The following AHCTF1 variants were observed in gnomAD, a reference collection of about 807,000 sequenced individuals.
AHCTF1 encodes AT-hook containing transcription factor 1, also known as protein ELYS.
In AHCTF1, 24 loss-of-function variants were observed where a neutral mutation model predicts 248.4. The ratio of observed to expected loss-of-function variants is 0.10; its 90% confidence interval spans 0.07 to 0.14. The LOEUF is 0.14. Among genes scored for constraint, AHCTF1 ranks in the 10% least tolerant of loss-of-function variants. The pLI is 1.00. For synonymous variants in AHCTF1, 786 were observed against 929.8 expected (o/e 0.85, Z 2.81); for missense variants, 2,206 against 2,636.2 (o/e 0.84, Z 3.57).
At chr1:246,878,778 G>A (rs1461465962) in intron 21 of AHCTF1, among the ~76,000 whole-genome samples, 1 of 152,148 alleles carries the variant, frequency 6.6e-6, no homozygotes, top group Non-Finnish European at 1.5e-5. Context: ...TACTTTTGTT[G>A]TTCTGGAACT....
At chr1:246,864,192 T>TA in intron 26 of AHCTF1, 76 bp from the exon 27 acceptor site, 1 of 1,381,058 alleles carries the variant, frequency 7.2e-7, no homozygotes, top group Non-Finnish European at 9.9e-7. Flanking sequence ...ATCAGACCTC[T>TA]ATATTCACTG....
chr1:246,898,471 G>T (rs1558259207), intron 11 of AHCTF1, 135 bp from the exon 12 acceptor site: 2 of 975,586 alleles, frequency 2.1e-6, no homozygotes, highest in African/African-American at 1.7e-5. Context: ...TATATTTCCT[G>T]CAAGAAACAG....
Position 246,862,042 on chromosome 1 carries a change from A to G in AHCTF1, c.3652T>C (p.Ser1218Pro). ...AGTCGTTGAGGAGACCTTCCAGGTG[A>G]TGGAGAGGGAGATGCTAAAGGTGTT... The part of the protein sequence containing the change: ...RSTPLASPSP[S>P]PGRSPQRLKE... Residue 1218 changes from serine to proline, a missense_variant, in exon 28 of 36, where the codon TCA becomes CCA. Transcript: ENST00000648844. 1.2e-6 allele frequency: 2 copies of G among 1,612,684 alleles called. No individual in the cohort carries two copies. The highest frequency in any genetic ancestry group is 1.7e-6 in the Non-Finnish European group (2 of 1,178,680).
chr1:246,839,204 T>A lies in AHCTF1; in HGVS notation c.*1602A>T, dbSNP rs1659663703. On this transcript the variant is annotated 3_prime_UTR_variant, in exon 36 of 36. Transcript: ENST00000648844. ...GTTCATTTAGAACAGGCAATTTGTT[T>A]GCTTATGATCTACATTCACGGAGGG... 6.6e-6 allele frequency: 1 copy of A among 152,210 alleles called. No individual in the cohort carries two copies. Among genetic ancestry groups the A allele is most frequent in the African/African-American group, 2.4e-5 (1 of 41,460 alleles). 9.4% of individuals were successfully genotyped at this position (152,210 alleles called of 1,614,324 possible).
In AHCTF1 at chr1:246,877,623, C is replaced by T. The variant is rs539584099; in HGVS notation, c.2661-321G>A. ...TGGTTGGTGTGGTGTGACAGAGGAA[C>T]ATCAGGTTTTTAAGAAGTGACACTC... On this transcript the variant is annotated intron_variant, in intron 21 of 35. Coordinates refer to ENST00000648844, the MANE Select transcript of AHCTF1 (RefSeq NM_001323342.2). Among the ~76,000 whole-genome samples, 9 of 152,204 alleles carry T rather than the reference C, an allele frequency of 5.9e-5. 1 individual carries two copies. In the South Asian group the frequency reaches 1.9e-3, roughly 32 times the overall value.
intron 1 of AHCTF1, among the ~76,000 whole-genome samples, chr1:246,926,706 C>T (rs750855690): frequency 1.3e-5 from 2 of 151,206 alleles, no homozygotes; most frequent in South Asian, 4.2e-4. Flanking sequence ...ATACAGAAAA[C>T]TAACCAGGTG....
At chr1:246,916,672 TC>T (rs551438614) in intron 2 of AHCTF1, among the ~76,000 whole-genome samples, 94 of 152,196 alleles carry the variant, frequency 6.2e-4, no homozygotes, top group Middle Eastern at 3.4e-3. Flanking sequence ...ATAATAATAG[TC>T]ATTCAGTAAA....
At chr1:246,931,112 C>T in intron 1 of AHCTF1, 1 of 1,548,222 alleles carries the variant, frequency 6.5e-7, no homozygotes, top group Non-Finnish European at 8.7e-7. Flanking sequence ...AACTTCTTCC[C>T]CGCCAGGACT....
chr1:246,851,110 A>G lies in AHCTF1; in HGVS notation c.4896T>C (p.Asn1632=). 1 of 1,613,806 alleles carries G rather than the reference A, an allele frequency of 6.2e-7. No individual in the cohort carries two copies. ...TEEKLVCSGE[N]DNHGQIANLP... is the part of the protein sequence containing the mutation. ...AATTTGCAATTTGTCCATGATTATC[A>G]TTTTCCCCACTGCATACAAGTTTTT... is the stretch of plus-strand genomic sequence containing the variant. The change falls in exon 33 of 36, where the codon AAT becomes AAC. Residue 1632 remains asparagine, a synonymous_variant. Transcript: ENST00000648844.
chr1:246,881,507 G>A (rs1668719637), intron 21 of AHCTF1, among the ~76,000 whole-genome samples: 1 of 152,140 alleles, frequency 6.6e-6, no homozygotes, highest in African/African-American at 2.4e-5. Context: ...TTATCAGTGG[G>A]TAAATCAAGT....
intron 24 of AHCTF1, among the ~76,000 whole-genome samples, chr1:246,869,200 T>A (rs1662360726): frequency 6.6e-6 from 1 of 152,134 alleles, no homozygotes; most frequent in Non-Finnish European, 1.5e-5. Context: ...GTCCAGCAAG[T>A]CTACTGGCAC....
intron 34 of AHCTF1, 139 bp from the exon 35 acceptor site, chr1:246,842,915 A>G (rs1659985520): frequency 7.5e-6 from 5 of 666,208 alleles, no homozygotes. Context: ...CTTTTCTCAT[A>G]CCTTTTAGTA....
At chr1:246,896,329 G>A (rs999061791) in intron 12 of AHCTF1, among the ~76,000 whole-genome samples, 1 of 152,164 alleles carries the variant, frequency 6.6e-6, no homozygotes, top group Non-Finnish European at 1.5e-5. Flanking sequence ...CCCATTAATT[G>A]TAGATAAACA....
intron 24 of AHCTF1, among the ~76,000 whole-genome samples, chr1:246,870,693 A>G (rs1425515267): frequency 2.7e-5 from 4 of 150,392 alleles, no homozygotes; most frequent in Non-Finnish European, 4.4e-5. Flanking sequence ...TGTACCCTAA[A>G]CTTTCTAGCT....
chr1:246,929,268 G>C (rs1184007051), intron 1 of AHCTF1, among the ~76,000 whole-genome samples: 1 of 152,162 alleles, frequency 6.6e-6, no homozygotes, highest in Non-Finnish European at 1.5e-5. Context: ...AATTAGCCGA[G>C]TGTGGCGGCG....
At chr1:246,879,085 G>T (rs1293733784) in intron 21 of AHCTF1, among the ~76,000 whole-genome samples, 1 of 152,092 alleles carries the variant, frequency 6.6e-6, no homozygotes, top group Non-Finnish European at 1.5e-5. Flanking sequence ...CAACAAGGTT[G>T]ATTTCCCTAA....
At chr1:246,916,023 A>G in intron 3 of AHCTF1, 119 bp downstream of exon 3, 1 of 1,206,550 alleles carries the variant, frequency 8.3e-7, no homozygotes, top group Non-Finnish European at 1.1e-6. Context: ...CATTTACATA[A>G]AAGTATACAA....
At chr1:246,928,417 G>A (rs749768710) in intron 1 of AHCTF1, among the ~76,000 whole-genome samples, 30 of 152,164 alleles carry the variant, frequency 2.0e-4, no homozygotes, top group Non-Finnish European at 3.5e-4. Context: ...CAAGGTCACA[G>A]TGCCTTTGGA....
chr1:246,846,254 T>C (rs1660249592), intron 33 of AHCTF1, among the ~76,000 whole-genome samples: 1 of 151,758 alleles, frequency 6.6e-6, no homozygotes, highest in African/African-American at 2.4e-5. Context: ...TCCAATCATA[T>C]AGTATACCTA....
Sources: allele counts gnomAD v4.1 joint callset (sites outside exome capture counted in the v4.1 genomes callset), GRCh38; gene constraint gnomAD v4.1.1; transcripts MANE v1.5; gene names NCBI Gene and HGNC (gene_info 2026-07-23, HGNC 2026-07-21).